Variants in PLEKHH2 observed in about 807,000 individuals in gnomAD.
The protein encoded by PLEKHH2 is pleckstrin homology, MyTH4 and FERM domain containing H2.
Under a neutral mutation model 187.9 loss-of-function variants are expected in PLEKHH2, and 129 were observed. The observed-to-expected ratio is 0.69, with a 90% confidence interval of 0.59 to 0.79. The LOEUF (loss-of-function observed/expected upper bound fraction) is 0.79, where lower values mean the gene tolerates loss of function less well. Among genes scored for constraint, PLEKHH2 ranks in the 30% least tolerant of loss-of-function variants. PLEKHH2 has a pLI of 0.00. For synonymous variants in PLEKHH2, 686 were observed against 605.6 expected, an observed-to-expected ratio of 1.13 and a Z score of -1.95; for missense variants, 2,076 against 1,751.2, an observed-to-expected ratio of 1.19 and a Z score of -3.31.
intron 4 of PLEKHH2, among the ~76,000 whole-genome samples, chr2:43,694,114 G>T (rs1473177076): frequency 3.3e-5 from 5 of 152,094 alleles, no homozygotes; most frequent in Admixed American, 2.6e-4. Flanking sequence ...CCCCAACGTG[G>T]TTGACCCCTA....
At position 43,712,302 on chromosome 2, in the gene PLEKHH2, G is replaced by C. The variant is rs752159044; in HGVS notation, c.2379G>C (p.Gln793His). The change falls in exon 15 of 30, where the codon CAG (glutamine) becomes CAC (histidine). Residue 793 changes from glutamine to histidine, a missense_variant. Transcript: ENST00000282406. ...NILEEWIKVL[Q>H]NVLRVQAANP... is the part of the protein sequence containing the mutation. ...TGGAAGAGTGGATTAAAGTGTTACAGAATGTTCTTCGAGTACAAGCTGCCA... is the reference window on the plus strand; with the variant it reads ...TGGAAGAGTGGATTAAAGTGTTACACAATGTTCTTCGAGTACAAGCTGCCA... 8.7e-6 allele frequency: 14 copies of C among 1,613,720 alleles called. No individual in the cohort carries two copies. In the African/African-American group the frequency reaches 1.9e-4, roughly 22 times the overall value.
intron 27 of PLEKHH2, among the ~76,000 whole-genome samples, chr2:43,761,045 A>G (rs985783707): frequency 3.9e-5 from 6 of 152,218 alleles, no homozygotes; most frequent in African/African-American, 1.4e-4. Flanking sequence ...TTCACCTGTC[A>G]GTGGACACTA....
At chr2:43,670,404 G>C (rs1667438558) in intron 2 of PLEKHH2, among the ~76,000 whole-genome samples, 1 of 152,168 alleles carries the variant, frequency 6.6e-6, no homozygotes, top group Non-Finnish European at 1.5e-5. Flanking sequence ...CAGTCAACTA[G>C]AGTAGGGAGA....
intron 17 of PLEKHH2, among the ~76,000 whole-genome samples, chr2:43,728,417 G>A (rs149613830): frequency 0.18 from 25,540 of 145,130 alleles, 2,398 homozygotes; most frequent in Non-Finnish European, 0.21. Context: ...GGCAGAGGTT[G>A]CAGTGAATCG....
intron 20 of PLEKHH2, among the ~76,000 whole-genome samples, chr2:43,739,558 T>C (rs1165600250): frequency 6.6e-6 from 1 of 152,186 alleles, no homozygotes; most frequent in African/African-American, 2.4e-5. Context: ...GACTTGAAAA[T>C]GGATTACTTT....
chr2:43,735,463 G>A (rs1281909249), intron 19 of PLEKHH2, among the ~76,000 whole-genome samples: 1 of 151,932 alleles, frequency 6.6e-6, no homozygotes, highest in African/African-American at 2.4e-5. Flanking sequence ...TTGGTTAATG[G>A]GTACAAAAAT....
At chr2:43,745,499 C>G (rs1395530460) in intron 23 of PLEKHH2, among the ~76,000 whole-genome samples, 1 of 152,078 alleles carries the variant, frequency 6.6e-6, no homozygotes, top group African/African-American at 2.4e-5. Context: ...TTTGGTATAA[C>G]TTTAGTTATT....
intron 3 of PLEKHH2, chr2:43,680,997 C>G: frequency 8.1e-7 from 1 of 1,228,514 alleles, no homozygotes; most frequent in Admixed American, 2.5e-5. Flanking sequence ...GTTCATATGC[C>G]AACTGGAAAA....
chr2:43,658,051 A>G (rs1042557222), intron 2 of PLEKHH2, among the ~76,000 whole-genome samples: 1 of 152,190 alleles, frequency 6.6e-6, no homozygotes, highest in Non-Finnish European at 1.5e-5. Context: ...TCAACTACCC[A>G]TTGAATATTT....
At chr2:43,645,816 T>A (rs1666156569) in intron 2 of PLEKHH2, among the ~76,000 whole-genome samples, 1 of 152,144 alleles carries the variant, frequency 6.6e-6, no homozygotes, top group South Asian at 2.1e-4. Flanking sequence ...TGAATGATAT[T>A]AGTGGTTATT....
chr2:43,743,696 T>G, intron 22 of PLEKHH2, 138 bp from the exon 23 acceptor site: 1 of 822,640 alleles, frequency 1.2e-6, no homozygotes, highest in Non-Finnish European at 1.7e-6. Context: ...CAGAGGAGCT[T>G]TGGGAAAAAA....
intron 19 of PLEKHH2, among the ~76,000 whole-genome samples, chr2:43,738,020 T>C (rs2104586988): frequency 6.6e-6 from 1 of 152,308 alleles, no homozygotes; most frequent in African/African-American, 2.4e-5. Flanking sequence ...ATGAAAAATA[T>C]GCTGGATGAG....
rs754070475 is a variant in PLEKHH2 at position 43,678,870 on chromosome 2, A to G, written c.131A>G (p.Gln44Arg). Reference sequence around the variant, plus strand: ...TTTTCCCTCACTCTACAGATGCAACAGCTTGAGAGACAAGTTATTGATGCT... The same window carrying G: ...TTTTCCCTCACTCTACAGATGCAACGGCTTGAGAGACAAGTTATTGATGCT... Reference protein sequence around the residue: ...IRELLAEKMQQLERQVIDAER... With the variant: ...IRELLAEKMQRLERQVIDAER... Residue 44 changes from glutamine (Q) to arginine (R), a missense_variant, in exon 3 of 30, where the codon CAG (glutamine) becomes CGG (arginine). Coordinates refer to ENST00000282406, the MANE Select transcript of PLEKHH2 (RefSeq NM_172069.4). 2 of 1,603,706 alleles carry G rather than the reference A, an allele frequency of 1.2e-6. No homozygotes were observed. The highest frequency in any genetic ancestry group is 1.7e-6 in the Non-Finnish European group (2 of 1,172,986).
At position 43,713,099 on chromosome 2, in the gene PLEKHH2, A is replaced by AACACACACACACAAACACACACAC. The variant is rs1553342253; in HGVS notation, c.2460+729_2460+730insAACACACACACACACACACACACA. Among the ~76,000 whole-genome samples the AACACACACACACAAACACACACAC allele has an allele frequency of 3.1e-3, 471 of 150,774 alleles. 6 individuals carry two copies. Among genetic ancestry groups the AACACACACACACAAACACACACAC allele is most frequent in the African/African-American group, 0.011 (448 of 41,046 alleles). ...TGAGTGAACAAATCAATATCAAATCAACACACACACACACACACGCATATA... is the reference window on the plus strand; with the variant it reads ...TGAGTGAACAAATCAATATCAAATCAACACACACACACAAACACACACACACACACACACACACACACGCATATA... On this transcript the variant is annotated intron_variant, in intron 15 of 29. Transcript: ENST00000282406.
chr2:43,666,333 C>G (rs1250233368), intron 2 of PLEKHH2, among the ~76,000 whole-genome samples: 1 of 151,182 alleles, frequency 6.6e-6, no homozygotes, highest in Non-Finnish European at 1.5e-5. Context: ...TGCTTCGGCT[C>G]GCGCACGGTG....
rs1179940155 is a variant in PLEKHH2, at chr2:43,741,056, C to G, written c.3221+13C>G. ...ATGCAGATTCCAGGTGTGCAGAATACTAGCCAGCTGAACTGTTTATGTGGC... is the reference window on the plus strand; with the variant it reads ...ATGCAGATTCCAGGTGTGCAGAATAGTAGCCAGCTGAACTGTTTATGTGGC... On this transcript the variant is annotated intron_variant, in intron 21 of 29. Transcript: ENST00000282406. 1.3e-6 allele frequency: 2 copies of G among 1,596,170 alleles called. No homozygotes were observed. Among genetic ancestry groups the G allele is most frequent in the African/African-American group, 1.3e-5 (1 of 74,384 alleles).
intron 2 of PLEKHH2, among the ~76,000 whole-genome samples, chr2:43,672,758 C>T (rs1278206820): frequency 6.6e-6 from 1 of 151,924 alleles, no homozygotes; most frequent in Non-Finnish European, 1.5e-5. Flanking sequence ...CATTTTTTTT[C>T]CTCCCTGCCA....
At chr2:43,731,647 A>T (rs1015954355) in intron 19 of PLEKHH2, 45 bp downstream of exon 19, 3 of 1,210,746 alleles carry the variant, frequency 2.5e-6, no homozygotes, top group Admixed American at 5.1e-5. Flanking sequence ...TAAAATACTT[A>T]TATGTTGTTA....
chr2:43,671,183 T>C (rs1667481696), intron 2 of PLEKHH2, among the ~76,000 whole-genome samples: 1 of 151,912 alleles, frequency 6.6e-6, no homozygotes, highest in South Asian at 2.1e-4. Flanking sequence ...GACCGGGTTT[T>C]ACCATGTTGG....
Sources: allele counts gnomAD v4.1 joint callset (sites outside exome capture counted in the v4.1 genomes callset), GRCh38; gene constraint gnomAD v4.1.1; transcripts MANE v1.5; gene names NCBI Gene and HGNC (gene_info 2026-07-23, HGNC 2026-07-21).